The following OPHN1 variants were observed in gnomAD, a reference collection of about 807,000 sequenced individuals.
OPHN1 encodes the protein oligophrenin 1, also known as oligophrenin-1.
In OPHN1, 11 loss-of-function variants were observed where a neutral mutation model predicts 60.7. That is an observed-to-expected ratio of 0.18 (90% CI 0.11 to 0.30). The LOEUF (loss-of-function observed/expected upper bound fraction) is 0.30. Among genes scored for constraint, OPHN1 ranks in the 10% least tolerant of loss-of-function variants. The pLI is 1.00. For synonymous variants in OPHN1, 226 were observed against 222.6 expected, an observed-to-expected ratio of 1.02 and a Z score of -0.14; for missense variants, 449 against 611.0, an observed-to-expected ratio of 0.73 and a Z score of 2.80.
chrX:68,270,635 T>C (rs1361971323), intron 5 of OPHN1, among the ~76,000 whole-genome samples: 2 of 105,691 alleles, frequency 1.9e-5, no homozygotes, highest in Non-Finnish European at 3.9e-5. Flanking sequence ...ATATACCTAA[T>C]GTAAATGACG....
intron 2 of OPHN1, among the ~76,000 whole-genome samples, chrX:68,410,016 G>A (rs971656337): frequency 2.7e-5 from 3 of 111,684 alleles, no homozygotes; most frequent in African/African-American, 9.8e-5. Flanking sequence ...ACCCCTGGCC[G>A]AATGAATCAT....
chrX:68,267,849 GA>G (rs2147580988), intron 5 of OPHN1, among the ~76,000 whole-genome samples: 1 of 111,339 alleles, frequency 9.0e-6, no homozygotes, highest in East Asian at 2.8e-4. Flanking sequence ...TGATAAAGGG[GA>G]TATCACCACC....
At chrX:68,223,795 T>C (rs1449837133) in intron 6 of OPHN1, among the ~76,000 whole-genome samples, 2 of 111,664 alleles carry the variant, frequency 1.8e-5, no homozygotes, top group African/African-American at 6.5e-5. Flanking sequence ...CTAGAGTAGC[T>C]ATATTAATTT....
In OPHN1 at chrX:68,119,572, C is replaced by T. The variant is rs768705910; in HGVS notation, c.1277-240G>A. Among the ~76,000 whole-genome samples the T allele has an allele frequency of 7.2e-4, 81 of 111,796 alleles. 1 individual carries two copies. The highest frequency in any genetic ancestry group is 3.0e-3 in the South Asian group (8 of 2,630). On this transcript the variant is annotated intron_variant, in intron 15 of 24. Transcript: ENST00000355520. ...GAAAAAACTGAACAAACAAAATCAA[C>T]TCTTCTTAGATTCATCAGATAACTG...
At chrX:68,216,483 G>T (rs1006646379) in intron 6 of OPHN1, among the ~76,000 whole-genome samples, 1 of 110,631 alleles carries the variant, frequency 9.0e-6, no homozygotes, top group Non-Finnish European at 1.9e-5. Context: ...TTACCTAAAA[G>T]ATATCATTTT....
intron 2 of OPHN1, among the ~76,000 whole-genome samples, chrX:68,403,630 C>A (rs188936900): frequency 9.1e-6 from 1 of 110,171 alleles, no homozygotes; most frequent in Non-Finnish European, 1.9e-5. Context: ...TTGTGCCTTT[C>A]GACTTTAAAA....
At chrX:68,393,885 G>GTTTTTGTTTTTTT (rs2078667155) in intron 2 of OPHN1, among the ~76,000 whole-genome samples, 1 of 34,587 alleles carries the variant, frequency 2.9e-5, no homozygotes, top group Non-Finnish European at 4.9e-5. Context: ...AATAGACTTT[G>GTTTTTGTTTTTTT]TTTTTTTTTT....
At chrX:68,063,122 C>T (rs747346050) in intron 21 of OPHN1, among the ~76,000 whole-genome samples, 17 of 110,674 alleles carry the variant, frequency 1.5e-4, no homozygotes, top group Non-Finnish European at 2.8e-4. Context: ...GATTTAGATC[C>T]CAGCTCTGCC....
At chrX:68,252,272 T>C (rs1344406764) in intron 5 of OPHN1, among the ~76,000 whole-genome samples, 1 of 112,710 alleles carries the variant, frequency 8.9e-6, no homozygotes, top group African/African-American at 3.2e-5. Context: ...TATTGCTTTA[T>C]GCCACTGAAT....
intron 6 of OPHN1, among the ~76,000 whole-genome samples, chrX:68,233,811 T>C (rs1041706472): frequency 5.4e-5 from 6 of 111,781 alleles, no homozygotes; most frequent in Admixed American, 3.8e-4. Context: ...ATAAGTCTTC[T>C]ATTCTCATTT....
At chrX:68,257,770 A>G (rs1218037211) in intron 5 of OPHN1, among the ~76,000 whole-genome samples, 1 of 111,223 alleles carries the variant, frequency 9.0e-6, no homozygotes, top group Non-Finnish European at 1.9e-5. Flanking sequence ...AAGCTATTGT[A>G]GTGGAAAACT....
intron 15 of OPHN1, among the ~76,000 whole-genome samples, chrX:68,187,885 C>T (rs2077470777): frequency 8.9e-6 from 1 of 112,055 alleles, no homozygotes; most frequent in Non-Finnish European, 1.9e-5. Flanking sequence ...CCTTGGCCTC[C>T]CAAAGTGCGG....
At chrX:68,272,771 A>T (rs183658447) in intron 5 of OPHN1, among the ~76,000 whole-genome samples, 46 of 112,389 alleles carry the variant, frequency 4.1e-4, no homozygotes, top group African/African-American at 1.4e-3. Context: ...TGCACATAAT[A>T]CAAATTCATT....
At chrX:68,200,250 T>C (rs1294244441) in intron 11 of OPHN1, among the ~76,000 whole-genome samples, 2 of 111,559 alleles carry the variant, frequency 1.8e-5, no homozygotes, top group Non-Finnish European at 3.8e-5. Flanking sequence ...TAACTAAAAG[T>C]GTAGATGCAT....
intron 15 of OPHN1, among the ~76,000 whole-genome samples, chrX:68,141,237 C>T (rs1480012396): frequency 8.9e-6 from 1 of 112,050 alleles, no homozygotes; most frequent in Non-Finnish European, 1.9e-5. Flanking sequence ...GCAAACAAAA[C>T]TTCTGTGTGT....
At chrX:68,086,516 T>C (rs1330432261) in intron 19 of OPHN1, among the ~76,000 whole-genome samples, 3 of 112,376 alleles carry the variant, frequency 2.7e-5, no homozygotes, top group African/African-American at 9.7e-5. Flanking sequence ...AACTCATTTA[T>C]TGAGTGTTTA....
In OPHN1 at chrX:68,111,848, A is replaced by G. The variant is rs1569215358; in HGVS notation, c.1526+6T>C. On this transcript the variant is annotated splice_donor_region_variant and intron_variant, in intron 18 of 24. Transcript: ENST00000355520. Reference sequence around the variant, plus strand: ...AACTTTTTCTGAAAATCCAGCAGTTACTTACTTGACCAAGTGTCTTATCAG... The same window carrying G: ...AACTTTTTCTGAAAATCCAGCAGTTGCTTACTTGACCAAGTGTCTTATCAG... The G allele has an allele frequency of 3.5e-6, 4 of 1,159,151 alleles. No homozygotes were observed. The highest frequency in any genetic ancestry group is 4.7e-6 in the Non-Finnish European group (4 of 849,447).
chrX:68,182,819 C>T (rs1001430165), intron 15 of OPHN1, among the ~76,000 whole-genome samples: 1 of 111,355 alleles, frequency 9.0e-6, no homozygotes, highest in African/African-American at 3.3e-5. Flanking sequence ...GGTTGAGGCA[C>T]AAGGATCGCT....
chrX:68,073,155 C>G lies in OPHN1; in HGVS notation c.1831G>C (p.Glu611Gln), dbSNP rs778332586. The change falls in exon 20 of 25, where the codon GAA becomes CAA. Residue 611 changes from glutamate to glutamine, a missense_variant. Coordinates refer to ENST00000355520, the MANE Select transcript of OPHN1 (RefSeq NM_002547.3). ...VFYTSSLDES[E>Q]DEIQHQTPNG... ...AAAGGTGAACCTCAGTACTGACCTTCGCTTTCATCCAGGGAAGAAGTATAG... is the reference window on the plus strand; with the variant it reads ...AAAGGTGAACCTCAGTACTGACCTTGGCTTTCATCCAGGGAAGAAGTATAG... The G allele has an allele frequency of 8.3e-7, 1 of 1,204,973 alleles. No homozygotes were observed. Among genetic ancestry groups the G allele is most frequent in the Non-Finnish European group, 1.1e-6 (1 of 892,330 alleles).
Sources: allele counts gnomAD v4.1 joint callset (sites outside exome capture counted in the v4.1 genomes callset), GRCh38; gene constraint gnomAD v4.1.1; transcripts MANE v1.5; gene names NCBI Gene and HGNC (gene_info 2026-07-23, HGNC 2026-07-21).